Variants in LRRC1 observed in about 807,000 individuals in gnomAD.
LRRC1 encodes the protein leucine rich repeat containing 1.
Under a neutral mutation model 69.9 loss-of-function variants are expected in LRRC1, and 28 were observed. The observed-to-expected ratio is 0.40, with a 90% CI of 0.30 to 0.55. The LOEUF (loss-of-function observed/expected upper bound fraction) is 0.55. Among genes scored for constraint, LRRC1 ranks in the 20% least tolerant of loss-of-function variants. LRRC1 has a pLI of 0.47. For synonymous variants in LRRC1, 236 were observed against 240.2 expected, an observed-to-expected ratio of 0.98 and a Z score of 0.16; for missense variants, 498 against 609.0, an observed-to-expected ratio of 0.82 and a Z score of 1.92.
At chr6:53,870,793 C>G (rs976082453) in intron 2 of LRRC1, among the ~76,000 whole-genome samples, 2 of 152,172 alleles carry the variant, frequency 1.3e-5, no homozygotes, top group Non-Finnish European at 2.9e-5. Flanking sequence ...TCCCCTCCAC[C>G]CCACTACCCT....
At chr6:53,899,987 G>T in intron 8 of LRRC1, 96 bp downstream of exon 8, 1 of 912,532 alleles carries the variant, frequency 1.1e-6, no homozygotes. Flanking sequence ...ACTTTCAGAT[G>T]CTGAGGATGT....
intron 10 of LRRC1, among the ~76,000 whole-genome samples, chr6:53,912,944 T>A (rs948220309): frequency 6.6e-6 from 1 of 152,204 alleles, no homozygotes; most frequent in Non-Finnish European, 1.5e-5. Flanking sequence ...TCCTGCAGAA[T>A]GTTGTGTCTG....
intron 4 of LRRC1, among the ~76,000 whole-genome samples, chr6:53,893,371 C>CT (rs1767765010): frequency 6.6e-6 from 1 of 152,108 alleles, no homozygotes; most frequent in African/African-American, 2.4e-5. Context: ...TCCATGTGCT[C>CT]TTTTTAGAGT....
chr6:53,870,051 A>G (rs1344126173), intron 2 of LRRC1, among the ~76,000 whole-genome samples: 2 of 152,256 alleles, frequency 1.3e-5, no homozygotes, highest in Non-Finnish European at 2.9e-5. Flanking sequence ...CGTTCTGTTT[A>G]CTGTCTGCTA....
rs530062856 is a variant in LRRC1 at position 53,851,696 on chromosome 6, A to G, written c.277+9469A>G. 2.0e-5 allele frequency among the ~76,000 whole-genome samples: 3 copies of G among 152,178 alleles called. No homozygotes were observed. In the South Asian group the frequency reaches 6.2e-4, roughly 32 times the overall value. ...AGTAACCATCACACCTAGTAAACAT[A>G]GATACCACAGACACACACACATGCG... On this transcript the variant is annotated intron_variant, in intron 2 of 13. Coordinates refer to ENST00000370888, the MANE Select transcript of LRRC1 (RefSeq NM_018214.5).
intron 1 of LRRC1, among the ~76,000 whole-genome samples, chr6:53,836,949 T>C (rs1765628413): frequency 6.6e-6 from 1 of 152,188 alleles, no homozygotes; most frequent in South Asian, 2.1e-4. Context: ...TTCAGGTGAT[T>C]TATTCAACAT....
Position 53,923,251 on chromosome 6 carries a change from A to G in LRRC1, c.*458A>G, listed in dbSNP as rs1400313629. On this transcript the variant is annotated 3_prime_UTR_variant, in exon 14 of 14. Transcript: ENST00000370888. ...TGGCAGCTCAGATGGTGTAAATTTT[A>G]AAATTTTGTATAGGTATTTCATAAC... is the stretch of plus-strand genomic sequence containing the variant. 1.3e-5 allele frequency: 2 copies of G among 153,292 alleles called. No individual in the cohort carries two copies. The highest frequency in any genetic ancestry group is 4.8e-5 in the African/African-American group (2 of 41,450). 9.5% of individuals were successfully genotyped at this position (153,292 alleles called of 1,614,324 possible).
chr6:53,806,354 C>T (rs1261496719), intron 1 of LRRC1, among the ~76,000 whole-genome samples: 1 of 152,108 alleles, frequency 6.6e-6, no homozygotes, highest in East Asian at 1.9e-4. Context: ...TTAGTAATGG[C>T]TTTGAACCAG....
At chr6:53,868,571 G>A (rs1193515483) in intron 2 of LRRC1, among the ~76,000 whole-genome samples, 1 of 152,110 alleles carries the variant, frequency 6.6e-6, no homozygotes, top group East Asian at 1.9e-4. Flanking sequence ...ATGGAAAACA[G>A]CGGTCATCTC....
At chr6:53,869,387 TC>T (rs1481514356) in intron 2 of LRRC1, among the ~76,000 whole-genome samples, 1 of 152,200 alleles carries the variant, frequency 6.6e-6, no homozygotes, top group Admixed American at 6.5e-5. Flanking sequence ...GATTTTTTTT[TC>T]TTCATACATT....
intron 1 of LRRC1, among the ~76,000 whole-genome samples, chr6:53,839,443 A>G (rs1217234735): frequency 6.6e-6 from 1 of 152,216 alleles, no homozygotes; most frequent in Non-Finnish European, 1.5e-5. Flanking sequence ...TATTTTTAGC[A>G]GAGTAATGTA....
intron 10 of LRRC1, among the ~76,000 whole-genome samples, chr6:53,909,437 T>C (rs1337577428): frequency 6.6e-6 from 1 of 152,196 alleles, no homozygotes; most frequent in Non-Finnish European, 1.5e-5. Context: ...ATTGTTAAAG[T>C]GTGTATGTAT....
intron 5 of LRRC1, 21 bp downstream of exon 5, chr6:53,896,575 AGAG>A (rs1339438922): frequency 2.5e-6 from 4 of 1,592,682 alleles, no homozygotes; most frequent in South Asian, 1.1e-5. Flanking sequence ...GGGGAAAATA[AGAG>A]GAGATTTTGT....
rs1169730466 is a variant in LRRC1 at position 53,843,923 on chromosome 6, G to T, written c.277+1696G>T. ...GTGAAGGATTTCTCAGTGAAGAGTG[G>T]TTGACCCAACTTATCTTTTTATGCC... On this transcript the variant is annotated intron_variant, in intron 2 of 13. Coordinates refer to ENST00000370888, the MANE Select transcript of LRRC1 (RefSeq NM_018214.5). Among the ~76,000 whole-genome samples, 6 of 152,150 alleles carry T rather than the reference G, an allele frequency of 3.9e-5. No homozygotes were observed. In the South Asian group the frequency reaches 1.2e-3, roughly 32 times the overall value.
chr6:53,921,045 G>T lies in LRRC1; in HGVS notation c.1416+284G>T, dbSNP rs193126124. ...TGCAGTGGAGTGATCTCAGCTCACT[G>T]CAACCTCGACCTTCTGGATTCAAGC... On this transcript the variant is annotated intron_variant, in intron 13 of 13. Coordinates refer to ENST00000370888, the MANE Select transcript of LRRC1 (RefSeq NM_018214.5). Among the ~76,000 whole-genome samples, 6 of 151,920 alleles carry T rather than the reference G, an allele frequency of 3.9e-5. No individual in the cohort carries two copies. The East Asian group carries it at 1.2e-3, about 29-fold the overall frequency.
chr6:53,881,514 G>A (rs1478170219), intron 3 of LRRC1, among the ~76,000 whole-genome samples: 1 of 152,162 alleles, frequency 6.6e-6, no homozygotes, highest in African/African-American at 2.4e-5. Context: ...TGAATTATAA[G>A]TAAAAATCTT....
chr6:53,825,093 GGTGTGTTCCAGTGTGT>G (rs972872135), intron 1 of LRRC1, among the ~76,000 whole-genome samples: 2 of 152,122 alleles, frequency 1.3e-5, no homozygotes, highest in African/African-American at 4.8e-5. Context: ...TTGCTGTCTG[GGTGTGTTCCAGTGTGT>G]GTTTCAGTGT....
intron 5 of LRRC1, 85 bp downstream of exon 5, chr6:53,896,639 A>G (rs1767883820): frequency 7.5e-7 from 1 of 1,325,344 alleles, no homozygotes; most frequent in South Asian, 1.2e-5. Flanking sequence ...ATTACGTGAA[A>G]ACATTTGTGT....
At chr6:53,846,666 G>A (rs756810580) in intron 2 of LRRC1, among the ~76,000 whole-genome samples, 55 of 152,290 alleles carry the variant, frequency 3.6e-4, no homozygotes, top group Non-Finnish European at 7.3e-4. Flanking sequence ...ATAGATTAGA[G>A]GATGATTGGA....
Sources: allele counts gnomAD v4.1 joint callset (sites outside exome capture counted in the v4.1 genomes callset), GRCh38; gene constraint gnomAD v4.1.1; transcripts MANE v1.5; gene names NCBI Gene and HGNC (gene_info 2026-07-23, HGNC 2026-07-21).